The following KMT2B variants were observed in gnomAD, a reference collection of about 807,000 sequenced individuals.
The protein encoded by KMT2B is lysine methyltransferase 2B, also known as histone-lysine N-methyltransferase 2B.
A neutral mutation model predicts 255.3 loss-of-function variants in KMT2B; 22 were observed. That is an observed-to-expected ratio of 0.09 (90% CI 0.06 to 0.12). The LOEUF is 0.12. Among genes scored for constraint, KMT2B ranks in the 10% least tolerant of loss-of-function variants. The pLI, the probability that KMT2B is intolerant of heterozygous loss-of-function variation, is 1.00. For synonymous variants in KMT2B, 1,730 were observed against 1,498.1 expected (o/e 1.15, Z -3.57); for missense variants, 3,149 against 3,737.0 (o/e 0.84, Z 4.10).
rs369383224 is a variant in KMT2B at position 35,736,842 on chromosome 19, T to A, written c.7297+15T>A. ...GAGCTTGGAGGGTGAGTGGGGGGAG[T>A]GCAGTGGCAGGAGGGAGAGTGTCCA... is the stretch of plus-strand genomic sequence containing the variant. On this transcript the variant is annotated intron_variant, in intron 31 of 36. Coordinates refer to ENST00000420124, the MANE Select transcript of KMT2B (RefSeq NM_014727.3). 2.5e-6 allele frequency: 4 copies of A among 1,612,914 alleles called. No homozygotes were observed. The African/African-American group carries it at 5.4e-5, about 22-fold the overall frequency.
Position 35,738,603 on chromosome 19 carries a change from G to A in KMT2B, c.*46G>A, listed in dbSNP as rs372328707. ...ACCCCTCACACCTCCTGCTGCCGTC[G>A]CTGCCATCTTGCCCCTAGCCTGGGG... On this transcript the variant is annotated 3_prime_UTR_variant, in exon 37 of 37. Coordinates refer to ENST00000420124, the MANE Select transcript of KMT2B (RefSeq NM_014727.3). The surrounding 1 kb of genome is among the most constrained non-coding windows in gnomAD (Gnocchi z 8.7). 7 of 1,582,372 alleles carry A rather than the reference G, an allele frequency of 4.4e-6. No individual in the cohort carries two copies. Among genetic ancestry groups the A allele is most frequent in the South Asian group, 2.3e-5 (2 of 86,746 alleles).
At chr19:35,724,081 A>G (rs1969327517) in intron 8 of KMT2B, 74 bp downstream of exon 8, 2 of 1,386,694 alleles carry the variant, frequency 1.4e-6, no homozygotes, top group East Asian at 4.7e-5. Context: ...GGGACAAGGC[A>G]CCCAGACCCA....
chr19:35,719,516 G>A lies in KMT2B; in HGVS notation c.411G>A (p.Leu137=). The change falls in exon 2 of 37, where the codon CTG becomes CTA. Residue 137 remains leucine, a synonymous_variant. Transcript: ENST00000420124. ...ATGAAGATGTGGCCCCCAGTTCCCTGCGCTCTGCGCTCCGATCCCAGCGAG... is the reference window on the plus strand; with the variant it reads ...ATGAAGATGTGGCCCCCAGTTCCCTACGCTCTGCGCTCCGATCCCAGCGAG... ...HSDEDVAPSS[L]RSALRSQRGR... The A allele has an allele frequency of 6.3e-7, 1 of 1,591,632 alleles. No homozygotes were observed. Among genetic ancestry groups the A allele is most frequent in the African/African-American group, 1.3e-5 (1 of 74,422 alleles).
At chr19:35,719,099 T>C (rs561229278) in intron 1 of KMT2B, among the ~76,000 whole-genome samples, 44 of 152,212 alleles carry the variant, frequency 2.9e-4, no homozygotes, top group African/African-American at 1.0e-3. Context: ...CAGAAATAAA[T>C]TGTGGCCCGA....
chr19:35,731,905 C>T lies in KMT2B; in HGVS notation c.5438-3C>T, dbSNP rs781107977. The stretch of plus-strand genomic sequence containing the variant: ...ACCCCAATGCCATTTCTCGCCTCTT[C>T]AGAGCCCCCAGGTGGTGAGGACCCC... On this transcript the variant is annotated splice_polypyrimidine_tract_variant and splice_region_variant and intron_variant, in intron 26 of 36. Transcript: ENST00000420124. The T allele has an allele frequency of 2.8e-5, 45 of 1,611,040 alleles. No homozygotes were observed. Among genetic ancestry groups the T allele is most frequent in the Non-Finnish European group, 3.7e-5 (43 of 1,177,512 alleles).
intron 22 of KMT2B, 75 bp downstream of exon 22, chr19:35,729,371 A>T (rs1339700431): frequency 6.6e-6 from 10 of 1,513,652 alleles, no homozygotes; most frequent in South Asian, 2.4e-5. Flanking sequence ...AACAGCTCTT[A>T]CTTCACATTC....
chr19:35,719,667 C>A (rs1453713050), intron 2 of KMT2B, 117 bp from the exon 3 acceptor site: 5 of 1,511,018 alleles, frequency 3.3e-6, no homozygotes, highest in East Asian at 4.5e-5. Flanking sequence ...AGAGTCCAAG[C>A]TAGTCTGGGC....
In KMT2B at chr19:35,732,339, C is replaced by G; in HGVS notation, c.5790C>G (p.Ser1930=). 1 of 1,611,584 alleles carries G rather than the reference C, an allele frequency of 6.2e-7. No individual in the cohort carries two copies. Among genetic ancestry groups the G allele is most frequent in the Non-Finnish European group, 8.5e-7 (1 of 1,178,914 alleles). ...GGCCGCCTCCATCACGGTGGGCCTC[C>G]CCTCCTCTAAAAACCTCCCCTCAGC... is the stretch of plus-strand genomic sequence containing the variant. ...APRPPPSRWA[S]PPLKTSPQLR... Residue 1930 remains serine (S), a synonymous_variant, in exon 28 of 37, where the codon TCC becomes TCG. Transcript: ENST00000420124.
intron 19 of KMT2B, 53 bp from the exon 20 acceptor site, chr19:35,728,721 C>A (rs1599686862): frequency 1.4e-6 from 2 of 1,429,200 alleles, no homozygotes; most frequent in South Asian, 2.3e-5. Context: ...GGATGGGCCC[C>A]CGTTCAGCTG....
chr19:35,722,837 G>C, intron 5 of KMT2B, 119 bp downstream of exon 5: 1 of 1,429,992 alleles, frequency 7.0e-7, no homozygotes. Flanking sequence ...TAGGTGGCAA[G>C]TGGGCTGGAG....
rs1448630466 is a variant in KMT2B at position 35,733,374 on chromosome 19, C to T, written c.6825C>T (p.Ala2275=). The stretch of plus-strand genomic sequence containing the variant: ...GGCCAGCCAGCCCGCCCCGCCAGGC[C>T]ATCCGCGTCAAGAGGGTGTCCACTT... ...SSGPASPPRQ[A]IRVKRVSTFS... Residue 2275 remains alanine, a synonymous_variant, in exon 28 of 37, where the codon GCC becomes GCT. Transcript: ENST00000420124. The surrounding 1 kb of genome is among the most constrained non-coding windows in gnomAD (Gnocchi z 4.3). 1.3e-6 allele frequency: 2 copies of T among 1,549,654 alleles called. No individual in the cohort carries two copies. Among genetic ancestry groups the T allele is most frequent in the South Asian group, 1.2e-5 (1 of 84,034 alleles).
At position 35,727,475 on chromosome 19, in the gene KMT2B, G is replaced by C. The variant is rs769290434; in HGVS notation, c.4155G>C (p.Ser1385=). 6.2e-7 allele frequency: 1 copy of C among 1,612,814 alleles called. No individual in the cohort carries two copies. The highest frequency in any genetic ancestry group is 1.1e-5 in the South Asian group (1 of 91,070). The change falls in exon 16 of 37, where the codon TCG becomes TCC. Residue 1385 remains serine (S), a synonymous_variant. Coordinates refer to ENST00000420124, the MANE Select transcript of KMT2B (RefSeq NM_014727.3). This position sits in a 1 kb window ranked among gnomAD's most constrained non-coding sequence, Gnocchi z 4.2. ...AGATCCTTTCAGGACTGCCAGACTC[G>C]GTGCTGTACACCTGCGGACCGTGTG... is the stretch of plus-strand genomic sequence containing the variant. ...DYEILSGLPD[S]VLYTCGPCAG...
chr19:35,721,214 CCAG>C lies in KMT2B; in HGVS notation c.1869_1871del (p.Ala624del). 1 of 1,508,120 alleles carries C rather than the reference CCAG, an allele frequency of 6.6e-7. No individual in the cohort carries two copies. Among genetic ancestry groups the C allele is most frequent in the Non-Finnish European group, 8.9e-7 (1 of 1,119,766 alleles). 93.4% of individuals were successfully genotyped at this position (1,508,120 alleles called of 1,614,324 possible). The stretch of plus-strand genomic sequence containing the variant: ...GACCCGGGAGCTGCCCCCTCCTCCC[CCAG>C]CCCCTCCACCTCCCCCGGCCCCCTC... On this transcript the variant is annotated inframe_deletion, in exon 3 of 37. Coordinates refer to ENST00000420124, the MANE Select transcript of KMT2B (RefSeq NM_014727.3).
Position 35,732,910 on chromosome 19 carries a change from C to G in KMT2B, c.6361C>G (p.Leu2121Val). Residue 2121 changes from leucine (L) to valine (V), a missense_variant, in exon 28 of 37, where the codon CTA (leucine) becomes GTA (valine). Physicochemically the swap from Leu to Val is conservative, Grantham distance 32 (BLOSUM62 1). Coordinates refer to ENST00000420124, the MANE Select transcript of KMT2B (RefSeq NM_014727.3). ...AATTGTGGATTTTGTGTTGAAGAAC[C>G]TAGGGGGTCCTGGGGATGGAGGTGC... ...SEIVDFVLKN[L>V]GGPGDGGAGP... 1.2e-6 allele frequency: 2 copies of G among 1,609,412 alleles called. No individual in the cohort carries two copies. Among genetic ancestry groups the G allele is most frequent in the South Asian group, 2.2e-5 (2 of 90,542 alleles).
In KMT2B at chr19:35,725,583, C is replaced by T. The variant is rs374979821; in HGVS notation, c.3747C>T (p.Cys1249=). 50 of 1,610,236 alleles carry T rather than the reference C, an allele frequency of 3.1e-5. No individual in the cohort carries two copies. The highest frequency in any genetic ancestry group is 3.8e-5 in the Non-Finnish European group (45 of 1,179,886). ...ACGACACCTGGTGCTGCCGTCGCTG[C>T]AAATTCTGCCACGTCTGTGGACGCA... ...QHHDTWCCRR[C]KFCHVCGRKG... Residue 1249 remains cysteine (C), a synonymous_variant, in exon 12 of 37, where the codon TGC becomes TGT. Transcript: ENST00000420124. The surrounding 1 kb of genome is among the most constrained non-coding windows in gnomAD (Gnocchi z 4.1).
At chr19:35,721,866 C>T (rs895852734) in intron 3 of KMT2B, 62 bp downstream of exon 3, 1 of 1,466,342 alleles carries the variant, frequency 6.8e-7, no homozygotes, top group Non-Finnish European at 9.0e-7. Context: ...CTTTGCAACC[C>T]CCTAACCTTC....
intron 9 of KMT2B, 125 bp from the exon 10 acceptor site, chr19:35,724,864 G>C: frequency 1.9e-6 from 2 of 1,034,822 alleles, no homozygotes; most frequent in Non-Finnish European, 1.4e-6. Context: ...GGCCTTGCCT[G>C]TCTGGAAAGC....
Position 35,721,563 on chromosome 19 carries a change from A to T in KMT2B, c.2216A>T (p.Gln739Leu), listed in dbSNP as rs988830187. The T allele has an allele frequency of 6.2e-7, 1 of 1,611,792 alleles. No individual in the cohort carries two copies. Among genetic ancestry groups the T allele is most frequent in the Non-Finnish European group, 8.5e-7 (1 of 1,179,858 alleles). Residue 739 changes from glutamine (Q) to leucine (L), a missense_variant, in exon 3 of 37, where the codon CAG (glutamine) becomes CTG (leucine). Physicochemically the swap from Gln to Leu is moderately radical, Grantham distance 113. Transcript: ENST00000420124. ...NGPQTQAQLL[Q>L]PLQALQTQLL... Reference sequence around the variant, plus strand: ...CCACAGACACAGGCTCAGCTACTGCAGCCCCTGCAGGCCTTGCAAACCCAG... The same window carrying T: ...CCACAGACACAGGCTCAGCTACTGCTGCCCCTGCAGGCCTTGCAAACCCAG...
In KMT2B at chr19:35,737,245, G is replaced by A. The variant is rs1232711537; in HGVS notation, c.7532G>A (p.Arg2511Gln). 6.5e-7 allele frequency: 1 copy of A among 1,542,328 alleles called. No individual in the cohort carries two copies. Among genetic ancestry groups the A allele is most frequent in the East Asian group, 2.4e-5 (1 of 42,078 alleles). The change falls in exon 33 of 37, where the codon CGG becomes CAG. Residue 2511 changes from arginine (R) to glutamine (Q), a missense_variant. This residue lies in a region of KMT2B where 103 missense variants were observed against 200.7 expected (regional missense o/e 0.51). Transcript: ENST00000420124. The surrounding 1 kb of genome is among the most constrained non-coding windows in gnomAD (Gnocchi z 5.3). ...EPPLNPHGAARAEVYLRKCTF... is the reference protein window; with the variant it reads ...EPPLNPHGAAQAEVYLRKCTF... Reference sequence around the variant, plus strand: ...CCCCTGAATCCCCATGGGGCTGCTCGGGCAGAGGTCTATCTCCGGTGAGAG... The same window carrying A: ...CCCCTGAATCCCCATGGGGCTGCTCAGGCAGAGGTCTATCTCCGGTGAGAG...
Sources: allele counts gnomAD v4.1 joint callset (sites outside exome capture counted in the v4.1 genomes callset), GRCh38; gene constraint gnomAD v4.1.1; regional missense constraint gnomAD v4.1.1; non-coding constraint Gnocchi (gnomAD v3.1); transcripts MANE v1.5; gene names NCBI Gene and HGNC (gene_info 2026-07-23, HGNC 2026-07-21).